Variants in FAM114A2 observed in about 807,000 individuals in gnomAD.
FAM114A2 encodes the protein family with sequence similarity 114 member A2.
In FAM114A2, 53 loss-of-function variants were observed where a neutral mutation model predicts 58.4. The observed-to-expected ratio is 0.91, with a 90% CI of 0.73 to 1.14. The LOEUF (loss-of-function observed/expected upper bound fraction) is 1.14, where lower values mean the gene tolerates loss of function less well. Among genes scored for constraint, FAM114A2 ranks in the 50% most tolerant of loss-of-function variants. The pLI, the probability that FAM114A2 is intolerant of heterozygous loss-of-function variation, is 0.00. For synonymous variants in FAM114A2, 228 were observed against 211.4 expected (o/e 1.08, Z -0.68); for missense variants, 601 against 581.1 (o/e 1.03, Z -0.35).
rs1769201670 is a variant in FAM114A2, at chr5:153,990,165, G to A, written c.*2811C>T. The A allele has an allele frequency of 6.6e-6, 1 of 152,108 alleles. No homozygotes were observed. The highest frequency in any genetic ancestry group is 2.4e-5 in the African/African-American group (1 of 41,400). 9.4% of individuals were successfully genotyped at this position (152,108 alleles called of 1,614,324 possible). On this transcript the variant is annotated 3_prime_UTR_variant, in exon 14 of 14. Coordinates refer to ENST00000351797, the MANE Select transcript of FAM114A2 (RefSeq NM_018691.4). ...CACACTTGTTGAGTGCCCACTGTGG[G>A]TATAATTTTATTCTGGGTTTTCTAA...
intron 8 of FAM114A2, among the ~76,000 whole-genome samples, chr5:154,013,500 G>A (rs1051572780): frequency 6.6e-6 from 1 of 152,196 alleles, no homozygotes; most frequent in Non-Finnish European, 1.5e-5. Context: ...AGTGAGTGGT[G>A]GGGGGAATCC....
intron 12 of FAM114A2, 132 bp from the exon 13 acceptor site, chr5:153,995,104 G>A (rs1023282941): frequency 3.6e-5 from 22 of 614,046 alleles, no homozygotes; most frequent in Non-Finnish European, 5.9e-5. Flanking sequence ...TCTGGACTGA[G>A]AGCAAAATGT....
At chr5:154,020,808 C>T (rs1030773585) in intron 8 of FAM114A2, among the ~76,000 whole-genome samples, 3 of 152,132 alleles carry the variant, frequency 2.0e-5, no homozygotes, top group Non-Finnish European at 2.9e-5. Flanking sequence ...AGGTCAGCAT[C>T]ATCCTGATAC....
At chr5:154,025,446 A>C (rs1329250618) in intron 8 of FAM114A2, among the ~76,000 whole-genome samples, 4 of 152,164 alleles carry the variant, frequency 2.6e-5, no homozygotes, top group Admixed American at 2.6e-4. Context: ...ACTCATTATA[A>C]TTTTTAAAAA....
chr5:154,004,038 G>C (rs1770188232), intron 9 of FAM114A2, among the ~76,000 whole-genome samples: 1 of 152,170 alleles, frequency 6.6e-6, no homozygotes, highest in African/African-American at 2.4e-5. Flanking sequence ...AGGAGCAATA[G>C]GTTAAACGAT....
chr5:154,029,654 A>C, intron 4 of FAM114A2, 74 bp from the exon 5 acceptor site: 2 of 782,420 alleles, frequency 2.6e-6, no homozygotes, highest in Admixed American at 2.4e-5. Context: ...CATCTATGTG[A>C]ATTTTTTAAA....
chr5:154,015,994 C>T (rs111725054), intron 8 of FAM114A2, among the ~76,000 whole-genome samples: 5 of 152,002 alleles, frequency 3.3e-5, no homozygotes, highest in African/African-American at 1.2e-4. Context: ...AAAGTCTCAG[C>T]AATAGAATTG....
In FAM114A2 at chr5:154,033,807, T is replaced by A. The variant is rs1164406427; in HGVS notation, c.387A>T (p.Glu129Asp). The change falls in exon 4 of 14, where the codon GAA (glutamate) becomes GAT (aspartate). Residue 129 changes from glutamate to aspartate, a missense_variant. Coordinates refer to ENST00000351797, the MANE Select transcript of FAM114A2 (RefSeq NM_018691.4). ...TATACTGACCTGCTACATACTTGAC[T>A]TCAGTTGAAATTTCACTGGGACCAG... is the stretch of plus-strand genomic sequence containing the variant. ...GIPGPSEIST[E>D]VKYVAGETNA... The A allele has an allele frequency of 6.3e-7, 1 of 1,595,944 alleles. No individual in the cohort carries two copies.
rs992468638 is a variant in FAM114A2 at position 154,015,375 on chromosome 5, C to T, written c.914-4055G>A. On this transcript the variant is annotated intron_variant, in intron 8 of 13. Transcript: ENST00000351797. ...CCAAGGATGCTCACAGAGTCCACTT[C>T]GTCCCCGACACCTCCAGCAAAACAG... Among the ~76,000 whole-genome samples the T allele has an allele frequency of 3.3e-5, 5 of 152,172 alleles. No homozygotes were observed. The East Asian group carries it at 5.8e-4, about 18-fold the overall frequency.
chr5:154,027,777 A>G (rs913305784), intron 6 of FAM114A2, among the ~76,000 whole-genome samples: 1 of 152,306 alleles, frequency 6.6e-6, no homozygotes. Flanking sequence ...CTGGTATTAC[A>G]GCCGTGAGCC....
intron 8 of FAM114A2, among the ~76,000 whole-genome samples, chr5:154,011,699 T>C (rs1770710223): frequency 6.6e-6 from 1 of 151,944 alleles, no homozygotes; most frequent in South Asian, 2.1e-4. Context: ...AATATAGAAA[T>C]GGTGACAGCA....
intron 4 of FAM114A2, among the ~76,000 whole-genome samples, chr5:154,031,790 A>G (rs1472119175): frequency 6.6e-6 from 1 of 152,208 alleles, no homozygotes. Context: ...AATCTCTTAT[A>G]AGACTTTCTC....
At chr5:153,997,044 T>G (rs192003752) in intron 12 of FAM114A2, among the ~76,000 whole-genome samples, 10 of 136,606 alleles carry the variant, frequency 7.3e-5, no homozygotes, top group African/African-American at 2.7e-4. Context: ...ATTAGGGAAA[T>G]GTAAATCAAA....
At chr5:154,024,928 G>A (rs1200747660) in intron 8 of FAM114A2, among the ~76,000 whole-genome samples, 2 of 152,108 alleles carry the variant, frequency 1.3e-5, no homozygotes, top group Non-Finnish European at 2.9e-5. Context: ...GCTCACCACA[G>A]CAGCAAATAT....
intron 4 of FAM114A2, among the ~76,000 whole-genome samples, chr5:154,032,318 C>T (rs1210213061): frequency 1.3e-5 from 2 of 152,196 alleles, no homozygotes; most frequent in African/African-American, 2.4e-5. Context: ...TTGATTGAGA[C>T]CTGTCTCAGA....
intron 8 of FAM114A2, among the ~76,000 whole-genome samples, chr5:154,014,351 C>T (rs567959591): frequency 3.3e-5 from 5 of 152,156 alleles, no homozygotes; most frequent in Non-Finnish European, 7.3e-5. Flanking sequence ...CGCGTGGAGG[C>T]TCGCATCGTA....
chr5:154,005,661 C>G (rs937825336), intron 9 of FAM114A2, among the ~76,000 whole-genome samples: 1 of 152,210 alleles, frequency 6.6e-6, no homozygotes, highest in Non-Finnish European at 1.5e-5. Flanking sequence ...TTTTCTTGAG[C>G]TACTGAATTC....
chr5:154,003,398 C>T (rs555886047), intron 9 of FAM114A2, among the ~76,000 whole-genome samples: 1 of 152,136 alleles, frequency 6.6e-6, no homozygotes, highest in Non-Finnish European at 1.5e-5. Flanking sequence ...AAGCTGGTCT[C>T]GAACTCCTGA....
intron 5 of FAM114A2, among the ~76,000 whole-genome samples, chr5:154,028,779 T>C (rs1036998632): frequency 6.6e-6 from 1 of 152,220 alleles, no homozygotes; most frequent in Non-Finnish European, 1.5e-5. Flanking sequence ...ATTCCACTTA[T>C]GTAAAGCTGA....
Sources: gnomAD v4.1 joint callset for allele counts (sites outside exome capture counted in the v4.1 genomes callset) on GRCh38, gnomAD v4.1.1 for gene constraint, MANE v1.5 for transcripts, NCBI Gene and HGNC (gene_info 2026-07-23, HGNC 2026-07-21) for gene names.